The following NDUFAF2 variants were observed in gnomAD, a reference collection of about 807,000 sequenced individuals.
The protein encoded by NDUFAF2 is NADH:ubiquinone oxidoreductase complex assembly factor 2.
Under a neutral mutation model 22.8 loss-of-function variants are expected in NDUFAF2, and 13 were observed. That is an observed-to-expected ratio of 0.57 (90% CI 0.37 to 0.91). The LOEUF is 0.91. Ranked by LOEUF, NDUFAF2 falls within the 40% of genes least tolerant of loss-of-function variation. NDUFAF2 has a pLI of 0.01. For synonymous variants in NDUFAF2, 53 were observed against 64.2 expected (o/e 0.83, Z 0.84); for missense variants, 162 against 195.2 (o/e 0.83, Z 1.01).
At chr5:60,994,480 G>C (rs574013627) in intron 1 of NDUFAF2, among the ~76,000 whole-genome samples, 1 of 152,208 alleles carries the variant, frequency 6.6e-6, no homozygotes, top group African/African-American at 2.4e-5. Context: ...GCTTCTGCAG[G>C]GTCTGTGGAG....
At chr5:60,950,601 T>C (rs910985379) in intron 1 of NDUFAF2, among the ~76,000 whole-genome samples, 4 of 151,984 alleles carry the variant, frequency 2.6e-5, no homozygotes, top group African/African-American at 9.7e-5. Flanking sequence ...TATGAATCGA[T>C]GTTGAATTTT....
intron 1 of NDUFAF2, among the ~76,000 whole-genome samples, chr5:60,994,718 G>A (rs1561537268): frequency 6.6e-6 from 1 of 152,054 alleles, no homozygotes; most frequent in Non-Finnish European, 1.5e-5. Context: ...CTTGTACTTG[G>A]ATACTGATAC....
chr5:61,091,358 A>C (rs760659912), intron 2 of NDUFAF2, among the ~76,000 whole-genome samples: 8 of 152,022 alleles, frequency 5.3e-5, no homozygotes, highest in Admixed American at 2.0e-4. Flanking sequence ...TTATTTTTTG[A>C]CTTTTTAATA....
intron 1 of NDUFAF2, among the ~76,000 whole-genome samples, chr5:61,064,812 C>T (rs1002247987): frequency 1.3e-5 from 2 of 151,462 alleles, no homozygotes; most frequent in African/African-American, 4.8e-5. Context: ...AACATTACAC[C>T]TCAAGGAACC....
At chr5:61,052,893 G>A (rs1232869566) in intron 1 of NDUFAF2, among the ~76,000 whole-genome samples, 1 of 152,174 alleles carries the variant, frequency 6.6e-6, no homozygotes, top group African/African-American at 2.4e-5. Context: ...TTGTGGTAGA[G>A]ACCACTAGCT....
At chr5:61,152,387 A>G (rs1741256813) in intron 3 of NDUFAF2, among the ~76,000 whole-genome samples, 1 of 152,004 alleles carries the variant, frequency 6.6e-6, no homozygotes, top group African/African-American at 2.4e-5. Flanking sequence ...AGCTTAGGAA[A>G]TCTTTCATAG....
chr5:61,066,579 A>G (rs1429149519), intron 1 of NDUFAF2, among the ~76,000 whole-genome samples: 1 of 138,486 alleles, frequency 7.2e-6, no homozygotes, highest in Non-Finnish European at 1.5e-5. Context: ...CAATCTATAC[A>G]TATATGGTCA....
Position 61,152,904 on chromosome 5 carries a change from C to T in NDUFAF2, c.459C>T (p.Thr153=), listed in dbSNP as rs370799898. 25 of 1,613,328 alleles carry T rather than the reference C, an allele frequency of 1.5e-5. No homozygotes were observed. The African/African-American group carries it at 2.9e-4, about 19-fold the overall frequency. ...PSVAPSSTGK[T]FQPGSWMPRD... ...TGGCTCCCAGCAGCACTGGTAAAAC[C>T]TTTCAGCCAGGATCCTGGATGCCAC... The change falls in exon 4 of 4, where the codon ACC becomes ACT. Residue 153 remains threonine, a synonymous_variant. Coordinates refer to ENST00000296597, the MANE Select transcript of NDUFAF2 (RefSeq NM_174889.5).
intron 3 of NDUFAF2, among the ~76,000 whole-genome samples, chr5:61,111,170 A>G (rs1752835903): frequency 6.6e-6 from 1 of 152,206 alleles, no homozygotes; most frequent in African/African-American, 2.4e-5. Flanking sequence ...TTGTGGTCAG[A>G]GAAGATACTC....
chr5:61,147,423 A>AT (rs1036796067), intron 3 of NDUFAF2, among the ~76,000 whole-genome samples: 24 of 54,010 alleles, frequency 4.4e-4, no homozygotes, highest in South Asian at 3.0e-3. Context: ...TAATTTTTGT[A>AT]TTTTTTTTTC....
chr5:61,065,228 A>G (rs964525211), intron 1 of NDUFAF2, among the ~76,000 whole-genome samples: 1 of 152,076 alleles, frequency 6.6e-6, no homozygotes, highest in Non-Finnish European at 1.5e-5. Context: ...CCAACAAAGA[A>G]AAGCCAAACA....
At chr5:61,057,996 T>C (rs1259589334) in intron 1 of NDUFAF2, among the ~76,000 whole-genome samples, 1 of 152,192 alleles carries the variant, frequency 6.6e-6, no homozygotes, top group Non-Finnish European at 1.5e-5. Flanking sequence ...GCAATCTGTT[T>C]ATTTTTATTA....
chr5:61,055,669 G>A (rs764089390), intron 1 of NDUFAF2, among the ~76,000 whole-genome samples: 8 of 152,178 alleles, frequency 5.3e-5, no homozygotes, highest in African/African-American at 9.7e-5. Context: ...GGAAGATGTG[G>A]AAAGTATATG....
intron 3 of NDUFAF2, among the ~76,000 whole-genome samples, chr5:61,112,733 A>G (rs751899481): frequency 6.6e-6 from 1 of 152,096 alleles, no homozygotes; most frequent in East Asian, 1.9e-4. Context: ...TAGAGAATTC[A>G]TGCTATTTAC....
intron 1 of NDUFAF2, among the ~76,000 whole-genome samples, chr5:60,983,953 T>G (rs1751029762): frequency 6.6e-6 from 1 of 152,164 alleles, no homozygotes; most frequent in Admixed American, 6.5e-5. Context: ...ATTGGTAGCT[T>G]GATGGGGATG....
intron 1 of NDUFAF2, among the ~76,000 whole-genome samples, chr5:60,984,866 G>T (rs1196891117): frequency 6.6e-6 from 1 of 151,776 alleles, no homozygotes; most frequent in Non-Finnish European, 1.5e-5. Flanking sequence ...TTTTTTTGTT[G>T]TGTCTCTGCC....
chr5:61,026,952 G>T (rs1751657535), intron 1 of NDUFAF2, among the ~76,000 whole-genome samples: 2 of 151,526 alleles, frequency 1.3e-5, no homozygotes, highest in African/African-American at 2.4e-5. Context: ...GTCTCTGTGG[G>T]CAGTGTGTAC....
intron 1 of NDUFAF2, among the ~76,000 whole-genome samples, chr5:61,000,331 TAGAG>T (rs751275622): frequency 2.0e-5 from 3 of 152,098 alleles, no homozygotes; most frequent in Non-Finnish European, 2.9e-5. Flanking sequence ...GCTTTACACT[TAGAG>T]AGGTAAAACC....
chr5:61,040,051 A>AT (rs1421854995), intron 1 of NDUFAF2, among the ~76,000 whole-genome samples: 1 of 151,986 alleles, frequency 6.6e-6, no homozygotes, highest in East Asian at 1.9e-4. Flanking sequence ...CCTGGCAAGT[A>AT]TTTTTTTGTT....
Sources: gnomAD v4.1 joint callset for allele counts (sites outside exome capture counted in the v4.1 genomes callset) on GRCh38, gnomAD v4.1.1 for gene constraint, MANE v1.5 for transcripts, NCBI Gene and HGNC (gene_info 2026-07-23, HGNC 2026-07-21) for gene names.